ITFG1: variants seen among roughly 807,000 people sequenced by gnomAD.
ITFG1 encodes T-cell immunomodulatory protein.
Under a neutral mutation model 81.8 loss-of-function variants are expected in ITFG1, and 34 were observed. The observed-to-expected ratio is 0.42, with a 90% CI of 0.32 to 0.55. ITFG1 has a LOEUF of 0.55. Ranked by LOEUF, ITFG1 falls within the 20% of genes least tolerant of loss-of-function variation. The pLI is 0.17. For synonymous variants in ITFG1, 285 were observed against 270.6 expected (o/e 1.05, Z -0.52); for missense variants, 672 against 755.4 (o/e 0.89, Z 1.29).
At chr16:47,286,267 G>A (rs1453176618) in intron 10 of ITFG1, among the ~76,000 whole-genome samples, 2 of 152,154 alleles carry the variant, frequency 1.3e-5, no homozygotes. Context: ...TGCAGAGGCT[G>A]GGACTTTAAC....
At chr16:47,293,461 A>G (rs1241958524) in intron 10 of ITFG1, among the ~76,000 whole-genome samples, 1 of 152,060 alleles carries the variant, frequency 6.6e-6, no homozygotes, top group Non-Finnish European at 1.5e-5. Flanking sequence ...ACTAATAAAC[A>G]TTCATACCAA....
chr16:47,409,440 G>C (rs1193243246), intron 6 of ITFG1, among the ~76,000 whole-genome samples: 1 of 59,084 alleles, frequency 1.7e-5, no homozygotes, highest in Non-Finnish European at 3.1e-5. Flanking sequence ...TTTGGAGACA[G>C]AGTCTCACTC....
intron 11 of ITFG1, among the ~76,000 whole-genome samples, chr16:47,259,818 G>C (rs1966184538): frequency 1.3e-5 from 2 of 152,020 alleles, no homozygotes; most frequent in African/African-American, 4.8e-5. Context: ...CAATCAGTCA[G>C]AGTCACAAGA....
chr16:47,328,415 T>G (rs143663828), intron 8 of ITFG1, among the ~76,000 whole-genome samples: 1,919 of 152,150 alleles, frequency 0.013, 40 homozygotes, highest in African/African-American at 0.044. Context: ...GGCACATGTA[T>G]ACATATGTAA....
Position 47,461,041 on chromosome 16 carries a change from G to C in ITFG1, c.5C>G (p.Ala2Gly), listed in dbSNP as rs1333082617. 1.3e-6 allele frequency: 2 copies of C among 1,539,022 alleles called. No homozygotes were observed. The highest frequency in any genetic ancestry group is 1.2e-5 in the South Asian group (1 of 83,918). M[A>G]AAGRLPSSWA... is the part of the protein sequence containing the mutation. ...GGAGCTCGGGAGCCGGCCCGCCGCC[G>C]CCATGGCAGCCCCTCAGCCCCCGCC... is the stretch of plus-strand genomic sequence containing the variant. The change falls in exon 1 of 18, where the codon GCG (alanine) becomes GGG (glycine). Residue 2 changes from alanine (A) to glycine (G), a missense_variant. Transcript: ENST00000320640.
intron 17 of ITFG1, among the ~76,000 whole-genome samples, chr16:47,158,606 G>A (rs944347586): frequency 3.3e-5 from 5 of 151,832 alleles, no homozygotes; most frequent in Admixed American, 6.6e-5. Flanking sequence ...TTTGATTTCC[G>A]GTTGATCACT....
intron 2 of ITFG1, among the ~76,000 whole-genome samples, chr16:47,457,827 C>T (rs915089980): frequency 1.3e-5 from 2 of 152,140 alleles, no homozygotes; most frequent in Non-Finnish European, 2.9e-5. Flanking sequence ...GTTCACTTCT[C>T]ATATACACTC....
chr16:47,401,830 C>G (rs1374937903), intron 6 of ITFG1, among the ~76,000 whole-genome samples: 1 of 152,126 alleles, frequency 6.6e-6, no homozygotes, highest in Non-Finnish European at 1.5e-5. Flanking sequence ...TAGCATCCCA[C>G]TGAATCTCTC....
chr16:47,237,029 G>A (rs1243212249), intron 13 of ITFG1, among the ~76,000 whole-genome samples: 2 of 152,154 alleles, frequency 1.3e-5, no homozygotes, highest in Non-Finnish European at 2.9e-5. Context: ...GCTCAGTTCG[G>A]GCCACATTTG....
At chr16:47,367,912 C>A (rs1474097779) in intron 7 of ITFG1, among the ~76,000 whole-genome samples, 1 of 152,168 alleles carries the variant, frequency 6.6e-6, no homozygotes, top group African/African-American at 2.4e-5. Context: ...AAATCCCTAG[C>A]TGAAGTGTCA....
chr16:47,352,599 T>C (rs573363825), intron 8 of ITFG1, among the ~76,000 whole-genome samples: 7 of 152,282 alleles, frequency 4.6e-5, no homozygotes, highest in African/African-American at 1.7e-4. Context: ...AACACTTTTA[T>C]ACTGTTGGTG....
At chr16:47,271,726 G>A (rs1327164664) in intron 10 of ITFG1, among the ~76,000 whole-genome samples, 1 of 152,198 alleles carries the variant, frequency 6.6e-6, no homozygotes, top group Non-Finnish European at 1.5e-5. Flanking sequence ...GGGCGTGGTG[G>A]TGGGCGCCTG....
At chr16:47,252,573 C>T (rs539717567) in intron 12 of ITFG1, among the ~76,000 whole-genome samples, 2 of 152,252 alleles carry the variant, frequency 1.3e-5, no homozygotes, top group South Asian at 4.2e-4. Context: ...AGTAACTAGT[C>T]TTGATTCAGG....
chr16:47,311,439 C>T, intron 9 of ITFG1, 27 bp from the exon 10 acceptor site: 1 of 1,501,608 alleles, frequency 6.7e-7, no homozygotes, highest in East Asian at 2.3e-5. Flanking sequence ...AAAGATCAGA[C>T]TTTATAGTTA....
intron 14 of ITFG1, among the ~76,000 whole-genome samples, chr16:47,206,373 G>A (rs1162936625): frequency 6.6e-6 from 1 of 152,122 alleles, no homozygotes; most frequent in African/African-American, 2.4e-5. Context: ...TTCTTATTGA[G>A]ATATAATTCA....
chr16:47,349,418 T>G (rs1044062903), intron 8 of ITFG1, among the ~76,000 whole-genome samples: 8 of 152,136 alleles, frequency 5.3e-5, no homozygotes, highest in Non-Finnish European at 2.9e-5. Flanking sequence ...TCCTAGTCTC[T>G]GATAAAACAG....
chr16:47,325,077 T>G (rs1485214101), intron 8 of ITFG1, among the ~76,000 whole-genome samples: 1 of 152,152 alleles, frequency 6.6e-6, no homozygotes, highest in Non-Finnish European at 1.5e-5. Context: ...GACCACATAG[T>G]TGGAAGTAAA....
intron 8 of ITFG1, among the ~76,000 whole-genome samples, chr16:47,357,638 A>T (rs1968058182): frequency 6.7e-6 from 1 of 149,684 alleles, no homozygotes; most frequent in Non-Finnish European, 1.5e-5. Context: ...AAAAAAAATT[A>T]AATGCAATGC....
intron 8 of ITFG1, among the ~76,000 whole-genome samples, chr16:47,352,281 A>G (rs1469626288): frequency 6.6e-6 from 1 of 152,136 alleles, no homozygotes; most frequent in Admixed American, 6.5e-5. Context: ...AACCTACAGA[A>G]TGGGAGAAAA....
Sources: gnomAD v4.1 joint callset for allele counts (sites outside exome capture counted in the v4.1 genomes callset) on GRCh38, gnomAD v4.1.1 for gene constraint, MANE v1.5 for transcripts, NCBI Gene and HGNC (gene_info 2026-07-23, HGNC 2026-07-21) for gene names.